Variants in ZNF385B observed in about 807,000 individuals in gnomAD.
ZNF385B encodes zinc finger protein 533.
Under a neutral mutation model 39.2 loss-of-function variants are expected in ZNF385B, and 23 were observed. That is an observed-to-expected ratio of 0.59 (90% CI 0.42 to 0.83). The LOEUF is 0.83. Ranked by LOEUF, ZNF385B falls within the 40% of genes least tolerant of loss-of-function variation. The pLI is 0.00. For missense variants in ZNF385B, 552 were observed against 598.9 expected (o/e 0.92, Z 0.82); for synonymous variants, 205 against 222.6 (o/e 0.92, Z 0.70).
At chr2:179,770,275 C>T (rs893096790) in intron 2 of ZNF385B, among the ~76,000 whole-genome samples, 1 of 152,158 alleles carries the variant, frequency 6.6e-6, no homozygotes, top group African/African-American at 2.4e-5. Context: ...AGTATGAGCT[C>T]TATGAGGACA....
At chr2:179,706,173 A>G (rs1298484486) in intron 3 of ZNF385B, among the ~76,000 whole-genome samples, 1 of 152,212 alleles carries the variant, frequency 6.6e-6, no homozygotes, top group Non-Finnish European at 1.5e-5. Flanking sequence ...CATGGAATTC[A>G]GTCTGTACAA....
intron 1 of ZNF385B, among the ~76,000 whole-genome samples, chr2:179,831,106 CAG>C (rs1328013387): frequency 2.0e-5 from 3 of 152,014 alleles, no homozygotes; most frequent in Admixed American, 6.5e-5. Flanking sequence ...AAATGGGAAA[CAG>C]AGAAGTTGCA....
At chr2:179,513,033 A>G (rs911551691) in intron 5 of ZNF385B, among the ~76,000 whole-genome samples, 1 of 152,184 alleles carries the variant, frequency 6.6e-6, no homozygotes, top group Non-Finnish European at 1.5e-5. Context: ...TTTTATATGG[A>G]TAATGAAGAA....
intron 3 of ZNF385B, among the ~76,000 whole-genome samples, chr2:179,602,895 T>C (rs1057481114): frequency 2.6e-5 from 4 of 152,236 alleles, no homozygotes; most frequent in Non-Finnish European, 4.4e-5. Flanking sequence ...GGAGTGCTTT[T>C]TGGTATTTAT....
chr2:179,767,616 CA>C (rs571973302), intron 3 of ZNF385B, among the ~76,000 whole-genome samples: 585 of 151,382 alleles, frequency 3.9e-3, no homozygotes, highest in Middle Eastern at 0.014. Flanking sequence ...GGAAAGTGAC[CA>C]AAAAAAATGA....
chr2:179,741,486 A>C (rs1702084015), intron 3 of ZNF385B, among the ~76,000 whole-genome samples: 1 of 152,082 alleles, frequency 6.6e-6, no homozygotes, highest in African/African-American at 2.4e-5. Context: ...CACTCTCAGC[A>C]AAGGACCCTT....
chr2:179,670,942 C>T (rs1695904040), intron 3 of ZNF385B, among the ~76,000 whole-genome samples: 1 of 152,130 alleles, frequency 6.6e-6, no homozygotes, highest in Non-Finnish European at 1.5e-5. Context: ...AACTCTGTGA[C>T]CTTGGAAAAG....
intron 5 of ZNF385B, among the ~76,000 whole-genome samples, chr2:179,512,120 C>T (rs1288045159): frequency 6.6e-6 from 1 of 152,016 alleles, no homozygotes; most frequent in African/African-American, 2.4e-5. Flanking sequence ...TCAATTCTGA[C>T]TTAGAGTATA....
intron 5 of ZNF385B, among the ~76,000 whole-genome samples, chr2:179,484,053 C>T (rs1157071953): frequency 1.3e-5 from 2 of 152,116 alleles, no homozygotes; most frequent in Admixed American, 6.6e-5. Flanking sequence ...TGTTTCTGAT[C>T]TCAGATGTGA....
chr2:179,859,581 G>A (rs1409623711), intron 1 of ZNF385B, among the ~76,000 whole-genome samples: 1 of 150,154 alleles, frequency 6.7e-6, no homozygotes, highest in South Asian at 2.1e-4. Flanking sequence ...GAGAGGTCAA[G>A]GAGATCTACA....
intron 3 of ZNF385B, among the ~76,000 whole-genome samples, chr2:179,733,597 AG>A (rs1360600703): frequency 1.3e-5 from 2 of 152,150 alleles, no homozygotes; most frequent in Admixed American, 1.3e-4. Flanking sequence ...CCTGGCTAAC[AG>A]GGTGAAACCC....
chr2:179,776,113 T>C (rs1704298853), intron 1 of ZNF385B, among the ~76,000 whole-genome samples: 1 of 152,234 alleles, frequency 6.6e-6, no homozygotes, highest in Non-Finnish European at 1.5e-5. Context: ...GGGTCATTCC[T>C]GATTGAATAA....
intron 1 of ZNF385B, among the ~76,000 whole-genome samples, chr2:179,810,420 A>C (rs1706661052): frequency 6.6e-6 from 1 of 151,958 alleles, no homozygotes; most frequent in Non-Finnish European, 1.5e-5. Flanking sequence ...GTTACATTTC[A>C]GAATATATTC....
At chr2:179,835,670 T>C (rs955144823) in intron 1 of ZNF385B, among the ~76,000 whole-genome samples, 8 of 152,062 alleles carry the variant, frequency 5.3e-5, no homozygotes, top group African/African-American at 1.9e-4. Flanking sequence ...TTCCTTCTTC[T>C]GTTTGTCATT....
At chr2:179,475,548 C>T (rs115524994) in intron 6 of ZNF385B, among the ~76,000 whole-genome samples, 1 of 151,738 alleles carries the variant, frequency 6.6e-6, no homozygotes, top group African/African-American at 2.4e-5. Context: ...CCATGCCTGG[C>T]CCACACAATG....
chr2:179,498,789 A>T (rs2056486285), intron 5 of ZNF385B, among the ~76,000 whole-genome samples: 1 of 151,952 alleles, frequency 6.6e-6, no homozygotes, highest in Admixed American at 6.6e-5. Context: ...AAGCAAGAGC[A>T]GACCAAACCC....
In ZNF385B at chr2:179,805,268, T is replaced by C. The variant is rs541609219; in HGVS notation, c.-154-34596A>G. Among the ~76,000 whole-genome samples the C allele has an allele frequency of 1.2e-4, 18 of 152,318 alleles. No individual in the cohort carries two copies. The East Asian group carries it at 3.5e-3, about 29-fold the overall frequency. Reference sequence around the variant, plus strand: ...ATGCCAGGACCAACCATCAGCCATGTGAATGAAACATCCTGGATGGTCCGG... The same window carrying C: ...ATGCCAGGACCAACCATCAGCCATGCGAATGAAACATCCTGGATGGTCCGG... On this transcript the variant is annotated intron_variant, in intron 1 of 9. Transcript: ENST00000410066.
intron 3 of ZNF385B, among the ~76,000 whole-genome samples, chr2:179,744,286 T>C (rs1471061419): frequency 2.6e-5 from 4 of 150,978 alleles, no homozygotes; most frequent in Non-Finnish European, 5.9e-5. Flanking sequence ...TTCTTGAGGG[T>C]CTAATTAGGT....
At chr2:179,858,360 C>CA (rs1158588763) in intron 1 of ZNF385B, among the ~76,000 whole-genome samples, 1 of 151,832 alleles carries the variant, frequency 6.6e-6, no homozygotes, top group Non-Finnish European at 1.5e-5. Flanking sequence ...CACATAAGAG[C>CA]AATATAAAGC....
Sources: gnomAD v4.1 joint callset for allele counts (sites outside exome capture counted in the v4.1 genomes callset) on GRCh38, gnomAD v4.1.1 for gene constraint, MANE v1.5 for transcripts, NCBI Gene and HGNC (gene_info 2026-07-23, HGNC 2026-07-21) for gene names.